ASPG: variants seen among roughly 807,000 people sequenced by gnomAD.
The protein encoded by ASPG is asparaginase, also known as 60 kDa lysophospholipase.
In ASPG, 53 loss-of-function variants were observed where a neutral mutation model predicts 63.2. That is an observed-to-expected ratio of 0.84 (90% CI 0.67 to 1.05). The LOEUF (loss-of-function observed/expected upper bound fraction) is 1.05, where lower values mean the gene tolerates loss of function less well. Among genes scored for constraint, ASPG ranks in the 50% least tolerant of loss-of-function variants. The probability of loss-of-function intolerance (pLI) is 0.00; values close to 1 mark genes in which losing one functional copy is unlikely to be tolerated. For synonymous variants in ASPG, 370 were observed against 355.0 expected, an observed-to-expected ratio of 1.04 and a Z score of -0.48; for missense variants, 741 against 794.4, an observed-to-expected ratio of 0.93 and a Z score of 0.81.
At chr14:104,104,902 C>T (rs1335811009) in intron 9 of ASPG, 167 bp downstream of exon 9, 3 of 634,662 alleles carry the variant, frequency 4.7e-6, no homozygotes, top group Non-Finnish European at 5.3e-6. Context: ...AAGGGCAGCT[C>T]TGGGCCCAGG....
intron 5 of ASPG, 146 bp downstream of exon 5, chr14:104,097,783 A>C (rs1184004692): frequency 2.8e-6 from 2 of 723,430 alleles, no homozygotes; most frequent in Non-Finnish European, 4.5e-6. Flanking sequence ...TATGTTGTGG[A>C]TATTTACATT....
intron 7 of ASPG, 94 bp from the exon 8 acceptor site, chr14:104,104,210 T>G: frequency 7.2e-7 from 1 of 1,383,634 alleles, no homozygotes; most frequent in South Asian, 1.4e-5. Context: ...GCCCCTGGCT[T>G]GGGGTCCCTC....
At chr14:104,087,572 T>C (rs1050436201) in intron 1 of ASPG, among the ~76,000 whole-genome samples, 1 of 151,704 alleles carries the variant, frequency 6.6e-6, no homozygotes, top group African/African-American at 2.4e-5. Flanking sequence ...GAAAGAGGAG[T>C]GGGGAGCCCA....
At chr14:104,104,080 G>A (rs553348862) in intron 7 of ASPG, among the ~76,000 whole-genome samples, 2 of 152,312 alleles carry the variant, frequency 1.3e-5, no homozygotes, top group South Asian at 2.1e-4. Flanking sequence ...CAAAGCCTTC[G>A]TCCCTACAGA....
intron 1 of ASPG, among the ~76,000 whole-genome samples, chr14:104,088,441 G>C (rs1210791670): frequency 1.3e-5 from 2 of 152,334 alleles, no homozygotes; most frequent in East Asian, 3.9e-4. Context: ...CCAAGCCCAA[G>C]CTGGCATCAG....
At chr14:104,092,835 C>A in intron 2 of ASPG, 94 bp downstream of exon 2, 3 of 1,032,886 alleles carry the variant, frequency 2.9e-6, no homozygotes, top group Non-Finnish European at 4.3e-6. Context: ...CCACGTGAGC[C>A]ATTTGCTCAC....
chr14:104,095,668 G>C lies in ASPG; in HGVS notation c.429+12G>C. On this transcript the variant is annotated intron_variant, in intron 4 of 15. Transcript: ENST00000551177. ...TCACTGGGGCCCAGGTAATCCCAGG[G>C]GCCCGGGGCTCCTAGGAACAGGGGC... 6.2e-7 allele frequency: 1 copy of C among 1,612,188 alleles called. No individual in the cohort carries two copies. Among genetic ancestry groups the C allele is most frequent in the Non-Finnish European group, 8.5e-7 (1 of 1,179,688 alleles).
At chr14:104,094,784 C>G (rs918888008) in intron 3 of ASPG, among the ~76,000 whole-genome samples, 1 of 152,234 alleles carries the variant, frequency 6.6e-6, no homozygotes, top group Non-Finnish European at 1.5e-5. Flanking sequence ...AAGGCCTTCT[C>G]GGCTCAGGTG....
At chr14:104,088,389 ACAGGTCAAGGGG>A (rs1386428048) in intron 1 of ASPG, among the ~76,000 whole-genome samples, 1 of 152,062 alleles carries the variant, frequency 6.6e-6, no homozygotes, top group Non-Finnish European at 1.5e-5. Context: ...TGAAGCTATC[ACAGGTCAAGGGG>A]CATAGCGAAT....
intron 11 of ASPG, 83 bp from the exon 12 acceptor site, chr14:104,107,099 T>C (rs1566839607): frequency 6.7e-7 from 1 of 1,490,932 alleles, no homozygotes; most frequent in Middle Eastern, 2.0e-4. Flanking sequence ...GGCCCTACCC[T>C]CAGAGGGACC....
rs1181753546 is a variant in ASPG, at chr14:104,104,805, G to A, written c.1050+70G>A. The A allele has an allele frequency of 3.0e-6, 4 of 1,324,012 alleles. No individual in the cohort carries two copies. In the African/African-American group the frequency reaches 4.4e-5, roughly 15 times the overall value. 82.0% of individuals were successfully genotyped at this position (1,324,012 alleles called of 1,614,324 possible). A position where few individuals can be genotyped will look rare whatever the true frequency, so the allele number is the denominator to read the frequency against. On this transcript the variant is annotated intron_variant, in intron 9 of 15. Coordinates refer to ENST00000551177, the MANE Select transcript of ASPG (RefSeq NM_001080464.3). ...CATGTCAGTTGGCTCCCAGGGGCATGTCTGGGGCGATGCCGGAAGAGCCTG... is the reference window on the plus strand; with the variant it reads ...CATGTCAGTTGGCTCCCAGGGGCATATCTGGGGCGATGCCGGAAGAGCCTG...
chr14:104,104,878 T>C, intron 9 of ASPG, 143 bp downstream of exon 9: 1 of 707,192 alleles, frequency 1.4e-6, no homozygotes, highest in Non-Finnish European at 2.3e-6. Context: ...GGGATGTGGC[T>C]CCCTATAGTG....
chr14:104,095,390 A>G (rs1566827508), intron 3 of ASPG, 141 bp from the exon 4 acceptor site: 2 of 1,198,338 alleles, frequency 1.7e-6, no homozygotes, highest in Non-Finnish European at 2.3e-6. Flanking sequence ...AATCTTCCAG[A>G]GAGGGACTTC....
intron 1 of ASPG, among the ~76,000 whole-genome samples, chr14:104,086,702 AG>A (rs2036230517): frequency 6.6e-6 from 1 of 152,040 alleles, no homozygotes; most frequent in Non-Finnish European, 1.5e-5. Flanking sequence ...GGGCCAGGAC[AG>A]CCCCCTCGCC....
intron 6 of ASPG, among the ~76,000 whole-genome samples, chr14:104,103,183 G>T (rs916215860): frequency 6.6e-6 from 1 of 152,228 alleles, no homozygotes; most frequent in Non-Finnish European, 1.5e-5. Flanking sequence ...CTCGCCTGAC[G>T]CCCCCATGCG....
chr14:104,086,628 C>T (rs961211988), intron 1 of ASPG, among the ~76,000 whole-genome samples: 4 of 152,110 alleles, frequency 2.6e-5, no homozygotes, highest in African/African-American at 9.7e-5. Context: ...GGGTGTTCCC[C>T]AGGAGGGCAG....
intron 6 of ASPG, among the ~76,000 whole-genome samples, chr14:104,101,312 G>T (rs1276950394): frequency 6.6e-6 from 1 of 152,236 alleles, no homozygotes; most frequent in African/African-American, 2.4e-5. Flanking sequence ...GCCAGCTGGG[G>T]GTAGCAATGC....
At position 104,093,738 on chromosome 14, in the gene ASPG, G is replaced by A. The variant is rs1018441724; in HGVS notation, c.303+136G>A. On this transcript the variant is annotated intron_variant, in intron 3 of 15. Transcript: ENST00000551177. ...GGGTGTGAGTGGGGCTAGGGAGCAC[G>A]GGTGGGAATGGGGAGTGTGGGTGGG... The A allele has an allele frequency of 2.0e-5, 13 of 645,170 alleles. No individual in the cohort carries two copies. The East Asian group carries it at 2.3e-4, about 11-fold the overall frequency. The allele number at this position is 645,170 out of a possible 1,614,324, so 40.0% of individuals were successfully genotyped here.
chr14:104,098,420 C>T (rs535066079), intron 5 of ASPG, among the ~76,000 whole-genome samples: 2 of 152,304 alleles, frequency 1.3e-5, no homozygotes, highest in East Asian at 3.9e-4. Context: ...ACTAGAGCCC[C>T]CACACGGGCT....
Sources: gnomAD v4.1 joint callset for allele counts (sites outside exome capture counted in the v4.1 genomes callset) on GRCh38, gnomAD v4.1.1 for gene constraint, MANE v1.5 for transcripts, NCBI Gene and HGNC (gene_info 2026-07-23, HGNC 2026-07-21) for gene names.